The following NR2C1 variants were observed in gnomAD, a reference collection of about 807,000 sequenced individuals.
NR2C1 encodes nuclear receptor subfamily 2 group C member 1.
A neutral mutation model predicts 74.8 loss-of-function variants in NR2C1; 33 were observed. The observed-to-expected ratio is 0.44, with a 90% CI of 0.33 to 0.59. The LOEUF is 0.59. Ranked by LOEUF, NR2C1 falls within the 20% of genes least tolerant of loss-of-function variation. NR2C1 has a pLI of 0.02. For missense variants in NR2C1, 568 were observed against 715.6 expected, an observed-to-expected ratio of 0.79 and a Z score of 2.35; for synonymous variants, 225 against 240.6, an observed-to-expected ratio of 0.94 and a Z score of 0.60.
At position 95,058,938 on chromosome 12, in the gene NR2C1, T is replaced by C. The variant is rs574502208; in HGVS notation, c.365-449A>G. On this transcript the variant is annotated intron_variant, in intron 4 of 13. Coordinates refer to ENST00000333003, the MANE Select transcript of NR2C1 (RefSeq NM_003297.4). ...CCATCTCACCTGGCCTAATGTAATA[T>C]ATTATTAAAGATCAGAAGTCATTAT... Among the ~76,000 whole-genome samples the C allele has an allele frequency of 9.8e-4, 149 of 152,164 alleles. 1 individual carries two copies. The highest frequency in any genetic ancestry group is 9.8e-4 in the Non-Finnish European group (67 of 68,038).
rs1381674517 is a variant in NR2C1, at chr12:95,067,403, A to G, written c.-7-12T>C. The G allele has an allele frequency of 6.3e-7, 1 of 1,593,636 alleles. No individual in the cohort carries two copies. Among genetic ancestry groups the G allele is most frequent in the African/African-American group, 1.3e-5 (1 of 74,642 alleles). On this transcript the variant is annotated splice_polypyrimidine_tract_variant and intron_variant, in intron 1 of 13. Coordinates refer to ENST00000333003, the MANE Select transcript of NR2C1 (RefSeq NM_003297.4). ...TTGCCATGATCTACCTGCCAAAAAT[A>G]AAAAGATGTTTTATAATTAAACTCA...
rs745659801 is a variant in NR2C1, at chr12:95,062,624, C to T, written c.169G>A (p.Val57Ile). 1 of 1,614,094 alleles carries T rather than the reference C, an allele frequency of 6.2e-7. No individual in the cohort carries two copies. Among genetic ancestry groups the T allele is most frequent in the South Asian group, 1.1e-5 (1 of 91,076 alleles). Residue 57 changes from valine to isoleucine, a missense_variant, in exon 3 of 14, where the codon GTC (valine) becomes ATC (isoleucine). By Grantham distance (29) the Val-to-Ile change is conservative. Transcript: ENST00000333003. ...TNHDGSTPSKVILARQDSTPG... is the reference protein window; with the variant it reads ...TNHDGSTPSKIILARQDSTPG... ...GTGGAATCTTGCCTGGCCAGAATGA[C>T]TTTGCTTGGAGTAGAGCCGTCGTGA...
At chr12:95,028,234 A>C (rs1165122480) in intron 12 of NR2C1, 153 bp downstream of exon 12, 7 of 599,192 alleles carry the variant, frequency 1.2e-5, no homozygotes, top group Non-Finnish European at 2.0e-5. Context: ...GCTGAGTCAT[A>C]TGATAACTCC....
chr12:95,064,725 G>A (rs1875397385), intron 2 of NR2C1, among the ~76,000 whole-genome samples: 1 of 152,126 alleles, frequency 6.6e-6, no homozygotes, highest in Admixed American at 6.5e-5. Flanking sequence ...ATATATCCCA[G>A]ATTAAACATC....
At chr12:95,071,550 ATCCT>A (rs1876619014) in intron 1 of NR2C1, among the ~76,000 whole-genome samples, 1 of 152,114 alleles carries the variant, frequency 6.6e-6, no homozygotes, top group African/African-American at 2.4e-5. Flanking sequence ...CTCCCTCAAA[ATCCT>A]TCCTTAAGAT....
chr12:95,057,098 ATTTTTTTTTTT>A (rs1184465413), intron 7 of NR2C1, among the ~76,000 whole-genome samples: 1 of 111,560 alleles, frequency 9.0e-6, no homozygotes, highest in African/African-American at 3.4e-5. Context: ...AACATTTCTG[ATTTTTTTTTTT>A]TTTTTTTTTT....
In NR2C1 at chr12:95,028,735, T is replaced by G. The variant is rs377568194; in HGVS notation, c.1394-211A>C. Among the ~76,000 whole-genome samples, 138 of 152,266 alleles carry G rather than the reference T, an allele frequency of 9.1e-4. 1 individual carries two copies. Among genetic ancestry groups the G allele is most frequent in the African/African-American group, 3.0e-3 (124 of 41,572 alleles). The stretch of plus-strand genomic sequence containing the variant: ...ACCTCTGCCTCCTGGACTCAAGCAG[T>G]TCTCCTGCCTCAGCCTCCCAAGTAG... On this transcript the variant is annotated intron_variant, in intron 11 of 13. Transcript: ENST00000333003.
intron 1 of NR2C1, among the ~76,000 whole-genome samples, chr12:95,067,878 C>CT (rs35730526): frequency 0.065 from 7,157 of 110,028 alleles, 419 homozygotes; most frequent in East Asian, 0.11. Context: ...CTCCATGTAT[C>CT]TTTTTTTTTT....
chr12:95,023,359 G>A (rs530232827), intron 13 of NR2C1, among the ~76,000 whole-genome samples: 15 of 152,266 alleles, frequency 9.9e-5, no homozygotes, highest in African/African-American at 3.4e-4. Context: ...ACTCCAGCCT[G>A]GGTGACAGAC....
intron 9 of NR2C1, among the ~76,000 whole-genome samples, chr12:95,040,883 T>C (rs1026363634): frequency 1.3e-5 from 2 of 152,238 alleles, no homozygotes; most frequent in African/African-American, 2.4e-5. Flanking sequence ...TCTAACAATA[T>C]GTTTCTTTTC....
intron 9 of NR2C1, among the ~76,000 whole-genome samples, chr12:95,041,867 A>G (rs1444206179): frequency 1.3e-5 from 2 of 152,244 alleles, no homozygotes; most frequent in Non-Finnish European, 2.9e-5. Context: ...GCAGCTCTAC[A>G]TCTAACAATG....
At chr12:95,042,932 C>CA (rs869036674) in intron 9 of NR2C1, among the ~76,000 whole-genome samples, 16,309 of 65,610 alleles carry the variant, frequency 0.25, 1,630 homozygotes, top group East Asian at 0.36. Flanking sequence ...CCCATTTCTA[C>CA]AAAAAAAAAA....
chr12:95,071,261 T>C (rs1876556221), intron 1 of NR2C1, among the ~76,000 whole-genome samples: 1 of 151,636 alleles, frequency 6.6e-6, no homozygotes, highest in African/African-American at 2.4e-5. Flanking sequence ...TCTTGAAGGG[T>C]CGAACAATTA....
chr12:95,029,747 C>G (rs1003093119), intron 11 of NR2C1, among the ~76,000 whole-genome samples: 1 of 151,556 alleles, frequency 6.6e-6, no homozygotes, highest in African/African-American at 2.4e-5. Flanking sequence ...TTAGTAGAGA[C>G]GGAGTTTCAC....
At chr12:95,034,849 C>T (rs1293527952) in intron 10 of NR2C1, among the ~76,000 whole-genome samples, 1 of 152,074 alleles carries the variant, frequency 6.6e-6, no homozygotes, top group Non-Finnish European at 1.5e-5. Flanking sequence ...TGTGTAAGTA[C>T]ACTCTATGAT....
intron 1 of NR2C1, among the ~76,000 whole-genome samples, chr12:95,067,974 G>T (rs1311649047): frequency 6.9e-6 from 1 of 145,866 alleles, no homozygotes; most frequent in Non-Finnish European, 1.5e-5. Context: ...TCCACTTCCT[G>T]GGTTCATGCC....
intron 1 of NR2C1, among the ~76,000 whole-genome samples, chr12:95,072,346 C>A (rs1350330730): frequency 6.7e-6 from 1 of 149,250 alleles, no homozygotes; most frequent in East Asian, 2.0e-4. Flanking sequence ...CCCAGCTACT[C>A]GGGAGGCTGA....
At chr12:95,046,088 C>T (rs140964487) in intron 9 of NR2C1, among the ~76,000 whole-genome samples, 2,949 of 152,218 alleles carry the variant, frequency 0.019, 82 homozygotes, top group African/African-American at 0.066. Flanking sequence ...GATCTGCCTG[C>T]GTAGGCCTCC....
chr12:95,050,718 A>G (rs1247752649), intron 8 of NR2C1, among the ~76,000 whole-genome samples: 1 of 151,512 alleles, frequency 6.6e-6, no homozygotes, highest in African/African-American at 2.4e-5. Flanking sequence ...AGCCTCCTAT[A>G]CACTAATGTG....
Sources: gnomAD v4.1 joint callset for allele counts (sites outside exome capture counted in the v4.1 genomes callset) on GRCh38, gnomAD v4.1.1 for gene constraint, MANE v1.5 for transcripts, NCBI Gene and HGNC (gene_info 2026-07-23, HGNC 2026-07-21) for gene names.